The following CPLX4 variants were observed in gnomAD, a reference collection of about 807,000 sequenced individuals.
The protein encoded by CPLX4 is complexin 4.
CPLX4 carries 17 observed loss-of-function variants against 16.1 expected under a neutral mutation model. The ratio of observed to expected loss-of-function variants is 1.06; its 90% CI spans 0.72 to 1.59. The LOEUF (loss-of-function observed/expected upper bound fraction) is 1.59. Among genes scored for constraint, CPLX4 ranks in the 40% most tolerant of loss-of-function variants. CPLX4 has a pLI of 0.00. For missense variants in CPLX4, 193 were observed against 192.9 expected (o/e 1.00, Z 0.00); for synonymous variants, 55 against 57.8 (o/e 0.95, Z 0.22).
At chr18:59,316,257 G>GCA (rs61529866) in intron 1 of CPLX4, among the ~76,000 whole-genome samples, 24,727 of 151,002 alleles carry the variant, frequency 0.16, 2,642 homozygotes, top group African/African-American at 0.31. Context: ...TGGTGCGTGC[G>GCA]CACACACACA....
intron 2 of CPLX4, among the ~76,000 whole-genome samples, chr18:59,304,131 T>C (rs552567585): frequency 2.3e-4 from 35 of 152,340 alleles, no homozygotes; most frequent in African/African-American, 7.7e-4. Flanking sequence ...TTCTCCTATA[T>C]GCATCTTTAT....
intron 2 of CPLX4, among the ~76,000 whole-genome samples, chr18:59,300,215 C>T (rs1415897246): frequency 1.3e-5 from 2 of 152,064 alleles, no homozygotes; most frequent in Admixed American, 6.6e-5. Flanking sequence ...CACCTGTAAT[C>T]CCAGCTACTA....
chr18:59,303,186 A>G (rs60049740), intron 2 of CPLX4, among the ~76,000 whole-genome samples: 3,703 of 152,242 alleles, frequency 0.024, 132 homozygotes, highest in African/African-American at 0.074. Flanking sequence ...GCTGTGCCCC[A>G]CTGCTGCCCT....
intron 2 of CPLX4, among the ~76,000 whole-genome samples, chr18:59,307,761 T>C (rs2070586975): frequency 6.7e-6 from 1 of 149,200 alleles, no homozygotes; most frequent in African/African-American, 2.5e-5. Flanking sequence ...TGATTTTTTT[T>C]TTTTTTTTGA....
chr18:59,297,018 G>C, intron 2 of CPLX4, 93 bp from the exon 3 acceptor site: 1 of 1,495,028 alleles, frequency 6.7e-7, no homozygotes, highest in Non-Finnish European at 8.8e-7. Context: ...AAGGTCTTTA[G>C]AGAATACAGG....
chr18:59,314,053 C>G (rs1451449166), intron 1 of CPLX4, among the ~76,000 whole-genome samples: 1 of 152,174 alleles, frequency 6.6e-6, no homozygotes, highest in Non-Finnish European at 1.5e-5. Context: ...GGAGCTGCAG[C>G]AAATGATCAG....
chr18:59,317,338 T>C (rs2070657861), intron 1 of CPLX4, among the ~76,000 whole-genome samples: 2 of 152,274 alleles, frequency 1.3e-5, no homozygotes, highest in Middle Eastern at 3.4e-3. Context: ...TAGATTGATG[T>C]TTCATTTCTT....
chr18:59,314,863 A>G (rs1264377545), intron 1 of CPLX4, among the ~76,000 whole-genome samples: 1 of 152,242 alleles, frequency 6.6e-6, no homozygotes, highest in Non-Finnish European at 1.5e-5. Flanking sequence ...CTGAGTAGTA[A>G]GTATTCTATT....
intron 1 of CPLX4, 139 bp from the exon 2 acceptor site, chr18:59,312,911 T>C (rs2070627365): frequency 1.3e-5 from 7 of 518,660 alleles, no homozygotes; most frequent in Admixed American, 3.4e-5. Context: ...GGGATTTTTT[T>C]CCTAGGTCCC....
At position 59,301,098 on chromosome 18, in the gene CPLX4, C is replaced by T. The variant is rs185035941; in HGVS notation, c.256-4173G>A. On this transcript the variant is annotated intron_variant, in intron 2 of 2. Transcript: ENST00000299721. ...GGGCCTTAGGACCTTGGGTGCATGG[C>T]CCCTACCCCACTCCTCAGGCCTAGT... Among the ~76,000 whole-genome samples, 560 of 152,336 alleles carry T rather than the reference C, an allele frequency of 3.7e-3. 4 individuals are homozygous for T. The highest frequency in any genetic ancestry group is 6.8e-3 in the Middle Eastern group (2 of 294).
chr18:59,308,316 G>A (rs1280947208), intron 2 of CPLX4, among the ~76,000 whole-genome samples: 1 of 152,012 alleles, frequency 6.6e-6, no homozygotes, highest in Non-Finnish European at 1.5e-5. Flanking sequence ...CCTTCAGCCC[G>A]CCCTCGATTG....
intron 2 of CPLX4, 44 bp from the exon 3 acceptor site, chr18:59,296,969 C>A (rs1466434526): frequency 1.3e-6 from 2 of 1,567,130 alleles, no homozygotes; most frequent in Admixed American, 4.3e-5. Flanking sequence ...CTCTAAACTA[C>A]TAACTCACTA....
In CPLX4 at chr18:59,302,603, G is replaced by A. The variant is rs540313870; in HGVS notation, c.256-5678C>T. Among the ~76,000 whole-genome samples the A allele has an allele frequency of 9.2e-5, 14 of 152,276 alleles. No individual in the cohort carries two copies. In the South Asian group the frequency reaches 1.0e-3, roughly 11 times the overall value. On this transcript the variant is annotated intron_variant, in intron 2 of 2. Transcript: ENST00000299721. ...TGATGAGAATCCGTTTTAATCTCTT[G>A]TTTTTAACCAGACTTATTATCTTTA...
intron 2 of CPLX4, among the ~76,000 whole-genome samples, chr18:59,307,613 A>T (rs1019032034): frequency 4.6e-5 from 7 of 152,162 alleles, no homozygotes; most frequent in African/African-American, 1.7e-4. Flanking sequence ...CTTTGGACAG[A>T]GCACCATGCC....
At chr18:59,314,708 C>T (rs1399266881) in intron 1 of CPLX4, among the ~76,000 whole-genome samples, 1 of 152,194 alleles carries the variant, frequency 6.6e-6, no homozygotes, top group African/African-American at 2.4e-5. Context: ...CCTTTTCTAC[C>T]ATAGATTGGT....
chr18:59,298,194 A>G (rs1298440668), intron 2 of CPLX4, among the ~76,000 whole-genome samples: 2 of 151,950 alleles, frequency 1.3e-5, no homozygotes, highest in Admixed American at 6.6e-5. Context: ...GGCTCAAGCA[A>G]TCCTTCCACC....
At chr18:59,310,233 C>A (rs2070607826) in intron 2 of CPLX4, among the ~76,000 whole-genome samples, 1 of 152,056 alleles carries the variant, frequency 6.6e-6, no homozygotes, top group South Asian at 2.1e-4. Flanking sequence ...GTCCCTCCCC[C>A]TAGCTGGCTT....
intron 2 of CPLX4, among the ~76,000 whole-genome samples, chr18:59,311,636 G>A (rs1197392385): frequency 6.6e-6 from 1 of 152,280 alleles, no homozygotes; most frequent in East Asian, 1.9e-4. Flanking sequence ...TTCTTTAAGG[G>A]ATGGCGCATC....
intron 2 of CPLX4, among the ~76,000 whole-genome samples, chr18:59,304,376 C>G (rs1168222940): frequency 6.6e-6 from 1 of 152,136 alleles, no homozygotes; most frequent in Non-Finnish European, 1.5e-5. Context: ...AATCTTGTAG[C>G]TTTATTTAAA....
Sources: allele counts gnomAD v4.1 joint callset (sites outside exome capture counted in the v4.1 genomes callset), GRCh38; gene constraint gnomAD v4.1.1; transcripts MANE v1.5; gene names NCBI Gene and HGNC (gene_info 2026-07-23, HGNC 2026-07-21).